The following EXD2 variants were observed in gnomAD, a reference collection of about 807,000 sequenced individuals.
EXD2 encodes the protein exonuclease 3'-5' domain containing 2.
Under a neutral mutation model 62.5 loss-of-function variants are expected in EXD2, and 40 were observed. The observed-to-expected ratio is 0.64, with a 90% CI of 0.50 to 0.83. The LOEUF (loss-of-function observed/expected upper bound fraction) is 0.83, where lower values mean the gene tolerates loss of function less well. Among genes scored for constraint, EXD2 ranks in the 40% least tolerant of loss-of-function variants. EXD2 has a pLI of 0.00. For missense variants in EXD2, 671 were observed against 761.8 expected, an observed-to-expected ratio of 0.88 and a Z score of 1.40; for synonymous variants, 239 against 291.9, an observed-to-expected ratio of 0.82 and a Z score of 1.85.
chr14:69,204,130 TATG>T (rs1239040119), intron 2 of EXD2, 130 bp downstream of exon 2: 2 of 152,232 alleles, frequency 1.3e-5, no homozygotes, highest in Non-Finnish European at 2.9e-5. Context: ...ATTCCAAGAA[TATG>T]ATTCTGTGTT....
At position 69,234,844 on chromosome 14, in the gene EXD2, G is replaced by T; in HGVS notation, c.862G>T (p.Val288Phe). The change falls in exon 6 of 10, where the codon GTC becomes TTC. Residue 288 changes from valine (V) to phenylalanine (F), a missense_variant. Physicochemically the swap from Val to Phe is conservative, Grantham distance 50. Transcript: ENST00000685843. ...AGTCTTGGAAAAATGCCAGGGTGTG[G>T]TCGACATCCCATTTCGAAGCAAAGG... ...RKVLEKCQGV[V>F]DIPFRSKGMS... 6.2e-7 allele frequency: 1 copy of T among 1,614,200 alleles called. No homozygotes were observed. The highest frequency in any genetic ancestry group is 8.5e-7 in the Non-Finnish European group (1 of 1,180,030).
Position 69,243,836 on chromosome 14 carries a change from G to T in EXD2, c.*2736G>T, listed in dbSNP as rs1467628972. The T allele has an allele frequency of 6.6e-6, 1 of 152,148 alleles. No individual in the cohort carries two copies. Among genetic ancestry groups the T allele is most frequent in the Non-Finnish European group, 1.5e-5 (1 of 68,034 alleles). 9.4% of individuals were successfully genotyped at this position (152,148 alleles called of 1,614,324 possible). On this transcript the variant is annotated 3_prime_UTR_variant, in exon 10 of 10. Coordinates refer to ENST00000685843, the MANE Select transcript of EXD2 (RefSeq NM_001193360.2). Reference sequence around the variant, plus strand: ...CAGTGAGAGGACAGTGTCACAGCAAGGGCCTCTCTGCATGCTCCCTGATCA... The same window carrying T: ...CAGTGAGAGGACAGTGTCACAGCAATGGCCTCTCTGCATGCTCCCTGATCA...
intron 9 of EXD2, among the ~76,000 whole-genome samples, chr14:69,239,487 C>T (rs758658076): frequency 1.3e-5 from 2 of 152,176 alleles, no homozygotes; most frequent in Non-Finnish European, 2.9e-5. Flanking sequence ...ACAGATACTG[C>T]AAATATTTAT....
chr14:69,198,589 A>G (rs2042286630), intron 1 of EXD2, among the ~76,000 whole-genome samples: 1 of 152,198 alleles, frequency 6.6e-6, no homozygotes, highest in Admixed American at 6.5e-5. Flanking sequence ...TTACTTGCAC[A>G]TTATATTTTA....
intron 3 of EXD2, among the ~76,000 whole-genome samples, chr14:69,218,634 G>A (rs2043065211): frequency 1.3e-5 from 2 of 151,740 alleles, no homozygotes; most frequent in South Asian, 4.2e-4. Flanking sequence ...CAAGGTTTAT[G>A]GTTTTAGGTC....
At chr14:69,228,510 C>G (rs1228673040) in intron 3 of EXD2, among the ~76,000 whole-genome samples, 1 of 151,992 alleles carries the variant, frequency 6.6e-6, no homozygotes. Context: ...CTTTTAAAAC[C>G]AGCATGTTCC....
chr14:69,236,136 G>C lies in EXD2; in HGVS notation c.1140G>C (p.Leu380=). 1 of 1,613,932 alleles carries C rather than the reference G, an allele frequency of 6.2e-7. No homozygotes were observed. The highest frequency in any genetic ancestry group is 8.5e-7 in the Non-Finnish European group (1 of 1,179,762). The change falls in exon 7 of 10, where the codon CTG becomes CTC. Residue 380 remains leucine (L), a synonymous_variant. Coordinates refer to ENST00000685843, the MANE Select transcript of EXD2 (RefSeq NM_001193360.2). ...TCDRRKAQWY[L]DKGIGELVSE... is the part of the protein sequence containing the mutation. ...ATAGAAGAAAAGCTCAGTGGTACCTGGACAAAGGCATTGGTGGTATGAGAT... is the reference window on the plus strand; with the variant it reads ...ATAGAAGAAAAGCTCAGTGGTACCTCGACAAAGGCATTGGTGGTATGAGAT...
intron 1 of EXD2, among the ~76,000 whole-genome samples, chr14:69,201,831 C>T (rs1378686339): frequency 2.0e-5 from 3 of 151,856 alleles, no homozygotes; most frequent in African/African-American, 7.3e-5. Context: ...TGCAGGCGCA[C>T]ACCACCACAC....
intron 1 of EXD2, chr14:69,195,920 A>G (rs2140179642): frequency 6.6e-6 from 1 of 152,338 alleles, no homozygotes; most frequent in Non-Finnish European, 1.5e-5. Flanking sequence ...TCAAAGTAAC[A>G]CAAACTGCTG....
chr14:69,194,591 C>T lies in EXD2; in HGVS notation c.-132+3000C>T, dbSNP rs562801983. Among the ~76,000 whole-genome samples, 4 of 152,056 alleles carry T rather than the reference C, an allele frequency of 2.6e-5. No individual in the cohort carries two copies. The East Asian group carries it at 7.7e-4, about 29-fold the overall frequency. On this transcript the variant is annotated intron_variant, in intron 1 of 9. Coordinates refer to ENST00000685843, the MANE Select transcript of EXD2 (RefSeq NM_001193360.2). ...CAAACTCCTGGCCTCAGGAGATTCT[C>T]CCCCATCAGCCTCCCAAAGTTCTGG...
chr14:69,217,569 T>C (rs966381084), intron 3 of EXD2, among the ~76,000 whole-genome samples: 1 of 152,162 alleles, frequency 6.6e-6, no homozygotes, highest in South Asian at 2.1e-4. Flanking sequence ...CTTTAAGTTA[T>C]AGGGTACATG....
intron 2 of EXD2, among the ~76,000 whole-genome samples, chr14:69,205,734 G>A (rs944222808): frequency 6.6e-6 from 1 of 151,922 alleles, no homozygotes; most frequent in African/African-American, 2.4e-5. Context: ...TGTGGGGTGT[G>A]TTTGTGTGTG....
At chr14:69,201,105 A>G (rs2042382467) in intron 1 of EXD2, among the ~76,000 whole-genome samples, 1 of 152,106 alleles carries the variant, frequency 6.6e-6, no homozygotes, top group African/African-American at 2.4e-5. Flanking sequence ...GAAATTATAA[A>G]AAGTTTACAT....
chr14:69,240,104 C>G (rs79125381), intron 9 of EXD2, among the ~76,000 whole-genome samples: 1 of 152,258 alleles, frequency 6.6e-6, no homozygotes, highest in African/African-American at 2.4e-5. Context: ...GCCAACACTG[C>G]TGGGGTGGCG....
intron 4 of EXD2, among the ~76,000 whole-genome samples, chr14:69,230,258 C>T (rs1192296262): frequency 6.6e-6 from 1 of 152,186 alleles, no homozygotes; most frequent in Non-Finnish European, 1.5e-5. Context: ...ATAATGTAGC[C>T]ACCTCACAGG....
At chr14:69,194,360 G>T (rs1039326337) in intron 1 of EXD2, among the ~76,000 whole-genome samples, 2 of 151,724 alleles carry the variant, frequency 1.3e-5, no homozygotes, top group African/African-American at 4.8e-5. Flanking sequence ...GGATGGTCTC[G>T]ATCTCCTGAC....
intron 5 of EXD2, among the ~76,000 whole-genome samples, chr14:69,233,435 T>C (rs1221458180): frequency 2.0e-5 from 3 of 151,702 alleles, no homozygotes; most frequent in Admixed American, 6.6e-5. Context: ...TTAATTTATT[T>C]ATTTATTTTG....
chr14:69,232,971 T>C (rs770277970), intron 5 of EXD2, among the ~76,000 whole-genome samples: 3 of 152,216 alleles, frequency 2.0e-5, no homozygotes, highest in Non-Finnish European at 2.9e-5. Flanking sequence ...GTCATGATGA[T>C]TGGCTCCTAT....
chr14:69,215,298 A>ATGTGTGTGTGTG (rs61469385), intron 3 of EXD2, among the ~76,000 whole-genome samples: 1,067 of 102,152 alleles, frequency 0.01, 12 homozygotes, highest in African/African-American at 0.027. Flanking sequence ...TCAAAAATAT[A>ATGTGTGTGTGTG]TGTGTGTGTG....
Sources: gnomAD v4.1 joint callset for allele counts (sites outside exome capture counted in the v4.1 genomes callset) on GRCh38, gnomAD v4.1.1 for gene constraint, MANE v1.5 for transcripts, NCBI Gene and HGNC (gene_info 2026-07-23, HGNC 2026-07-21) for gene names.